The following WDR72 variants were observed in gnomAD, a reference collection of about 807,000 sequenced individuals.
The protein encoded by WDR72 is WD repeat-containing protein 72.
WDR72 carries 120 observed loss-of-function variants against 124.2 expected under a neutral mutation model. That is an observed-to-expected ratio of 0.97 (90% CI 0.83 to 1.12). WDR72 has a LOEUF of 1.12. Ranked by LOEUF, WDR72 falls within the 50% of genes most tolerant of loss-of-function variation. The pLI, the probability that WDR72 is intolerant of heterozygous loss-of-function variation, is 0.00. For missense variants in WDR72, 1,387 were observed against 1,278.8 expected (o/e 1.08, Z -1.29); for synonymous variants, 452 against 441.7 (o/e 1.02, Z -0.29).
At chr15:53,742,454 C>A (rs931576404) in intron 1 of WDR72, among the ~76,000 whole-genome samples, 1 of 152,098 alleles carries the variant, frequency 6.6e-6, no homozygotes, top group Admixed American at 6.5e-5. Context: ...TATCATAGCC[C>A]TCAATTTATA....
chr15:53,682,331 CAT>C (rs1258383492), intron 13 of WDR72, among the ~76,000 whole-genome samples: 1 of 151,570 alleles, frequency 6.6e-6, no homozygotes, highest in Admixed American at 6.6e-5. Context: ...AGGATGCACT[CAT>C]GTGTCTGTTT....
intron 13 of WDR72, among the ~76,000 whole-genome samples, chr15:53,667,333 G>C (rs2015813627): frequency 6.6e-6 from 1 of 152,064 alleles, no homozygotes; most frequent in Non-Finnish European, 1.5e-5. Flanking sequence ...CAGCCTGGGT[G>C]ACAGAACGAG....
chr15:53,597,716 C>A (rs1405394773), intron 17 of WDR72, among the ~76,000 whole-genome samples: 2 of 152,118 alleles, frequency 1.3e-5, no homozygotes, highest in Non-Finnish European at 2.9e-5. Context: ...ATGCTTTACA[C>A]AGAAAATTAA....
intron 15 of WDR72, among the ~76,000 whole-genome samples, chr15:53,614,892 G>A (rs1189932983): frequency 1.3e-5 from 2 of 151,900 alleles, no homozygotes; most frequent in African/African-American, 4.8e-5. Context: ...ATGTATAAAT[G>A]AATCACTAAA....
In WDR72 at chr15:53,699,788, C is replaced by A; in HGVS notation, c.1727G>T (p.Cys576Phe). 6.2e-7 allele frequency: 1 copy of A among 1,614,172 alleles called. No individual in the cohort carries two copies. The highest frequency in any genetic ancestry group is 1.3e-5 in the African/African-American group (1 of 75,054). ...CCAGATATAAACTGAGTCATCTGCA[C>A]ATCCAACAATTAAAAAATTCTCAAC... Reference protein sequence around the residue: ...HPVENFLIVGCADDSVYIWEI... With the variant: ...HPVENFLIVGFADDSVYIWEI... Residue 576 changes from cysteine (C) to phenylalanine (F), a missense_variant, in exon 13 of 20, where the codon TGT becomes TTT. Coordinates refer to ENST00000360509, the MANE Select transcript of WDR72 (RefSeq NM_182758.4).
At chr15:53,718,314 A>G (rs1027698485) in intron 3 of WDR72, among the ~76,000 whole-genome samples, 3 of 152,194 alleles carry the variant, frequency 2.0e-5, no homozygotes, top group Non-Finnish European at 2.9e-5. Context: ...CTTTTAAAAA[A>G]TACTGATGGC....
intron 14 of WDR72, among the ~76,000 whole-genome samples, chr15:53,638,482 GA>G (rs1385950402): frequency 1.3e-5 from 2 of 152,032 alleles, no homozygotes; most frequent in African/African-American, 4.8e-5. Flanking sequence ...CATGGTCCTG[GA>G]AGTCAGGAAA....
At chr15:53,620,619 T>A (rs1322032830) in intron 14 of WDR72, among the ~76,000 whole-genome samples, 1 of 152,020 alleles carries the variant, frequency 6.6e-6, no homozygotes, top group African/African-American at 2.4e-5. Context: ...AACTGGATCC[T>A]CATCTCTCAC....
chr15:53,667,467 C>A (rs911024226), intron 13 of WDR72, among the ~76,000 whole-genome samples: 3 of 152,018 alleles, frequency 2.0e-5, no homozygotes, highest in African/African-American at 7.2e-5. Context: ...GAAGGATACA[C>A]CTCAGGGAGA....
Position 53,544,029 on chromosome 15 carries a change from A to G in WDR72, c.3149-20707T>C, listed in dbSNP as rs1432304682. Among the ~76,000 whole-genome samples, 370 of 149,872 alleles carry G rather than the reference A, an allele frequency of 2.5e-3. 3 individuals carry two copies. The highest frequency in any genetic ancestry group is 8.6e-3 in the African/African-American group (349 of 40,728). On this transcript the variant is annotated intron_variant, in intron 18 of 19. Transcript: ENST00000360509. Reference sequence around the variant, plus strand: ...TTGTGGCAATAATCAATAGTTTACCAACCAAAAAGAGTCCAGGACCAGATG... The same window carrying G: ...TTGTGGCAATAATCAATAGTTTACCGACCAAAAAGAGTCCAGGACCAGATG...
Position 53,517,550 on chromosome 15 carries a change from T to G in WDR72, c.*149A>C. 1.3e-6 allele frequency: 1 copy of G among 779,040 alleles called. No individual in the cohort carries two copies. Among genetic ancestry groups the G allele is most frequent in the East Asian group, 2.7e-5 (1 of 37,718 alleles). 48.3% of individuals were successfully genotyped at this position (779,040 alleles called of 1,614,324 possible). ...TGTAATCAGCATGTATTAAAATCAC[T>G]TTAATACATGTTGGCTAAAGTATTA... On this transcript the variant is annotated 3_prime_UTR_variant, in exon 20 of 20. Transcript: ENST00000360509.
chr15:53,726,264 G>GTGTATATATATATATATATATATA lies in WDR72; in HGVS notation c.154-3357_154-3356insTATATATATATATATATATATACA, dbSNP rs1555428779. On this transcript the variant is annotated intron_variant, in intron 2 of 19. Transcript: ENST00000360509. ...TGTGTGTATATATATATGTATGTGT[G>GTGTATATATATATATATATATATA]TATATATATATATATATATATACAC... Among the ~76,000 whole-genome samples, 127 of 110,336 alleles carry GTGTATATATATATATATATATATA rather than the reference G, an allele frequency of 1.2e-3. 1 individual carries two copies. Among genetic ancestry groups the GTGTATATATATATATATATATATA allele is most frequent in the African/African-American group, 5.7e-3 (125 of 21,952 alleles). The allele number at this position is 110,336 out of a possible 152,430, so 72.4% of individuals were successfully genotyped here. A position where few individuals can be genotyped will look rare whatever the true frequency, so the allele number is the denominator to read the frequency against.
At position 53,612,408 on chromosome 15, in the gene WDR72, C is replaced by T. The variant is rs188853315; in HGVS notation, c.2872+1258G>A. On this transcript the variant is annotated intron_variant, in intron 16 of 19. Transcript: ENST00000360509. Reference sequence around the variant, plus strand: ...ACAACAGCGAAAGGGGTAGGGAGTGCTGCTGCAGTGATAAAGTGGCATTGG... The same window carrying T: ...ACAACAGCGAAAGGGGTAGGGAGTGTTGCTGCAGTGATAAAGTGGCATTGG... Among the ~76,000 whole-genome samples the T allele has an allele frequency of 5.3e-5, 8 of 152,084 alleles. No homozygotes were observed. The East Asian group carries it at 1.6e-3, about 30-fold the overall frequency.
At chr15:53,654,996 C>T (rs1175994742) in intron 14 of WDR72, among the ~76,000 whole-genome samples, 2 of 151,752 alleles carry the variant, frequency 1.3e-5, no homozygotes, top group South Asian at 2.1e-4. Context: ...TTTGGGAGGC[C>T]GAGGCAGGTG....
chr15:53,713,831 C>T (rs1456699452), intron 6 of WDR72, among the ~76,000 whole-genome samples: 1 of 152,142 alleles, frequency 6.6e-6, no homozygotes, highest in African/African-American at 2.4e-5. Context: ...AGTACGTTCT[C>T]AATAAGTTTG....
intron 18 of WDR72, among the ~76,000 whole-genome samples, chr15:53,593,308 C>T (rs61301076): frequency 0.12 from 18,459 of 152,014 alleles, 1,609 homozygotes; most frequent in African/African-American, 0.24. Context: ...ATTTCTTCCA[C>T]GTTGCAAGTA....
chr15:53,734,849 A>T (rs1158706093), intron 1 of WDR72, among the ~76,000 whole-genome samples: 1 of 151,614 alleles, frequency 6.6e-6, no homozygotes, highest in East Asian at 1.9e-4. Context: ...TTCCGGAATG[A>T]ATTTCTTCAC....
Position 53,615,762 on chromosome 15 carries a change from C to T in WDR72, c.2444G>A (p.Cys815Tyr), listed in dbSNP as rs369011394. 93 of 1,613,450 alleles carry T rather than the reference C, an allele frequency of 5.8e-5. No homozygotes were observed. In the African/African-American group the frequency reaches 1.0e-3, roughly 18 times the overall value. Residue 815 changes from cysteine (C) to tyrosine (Y), a missense_variant, in exon 15 of 20, where the codon TGC (cysteine) becomes TAC (tyrosine). Coordinates refer to ENST00000360509, the MANE Select transcript of WDR72 (RefSeq NM_182758.4). ...WGVDKDLDYL[C>Y]IKHLNILKLQ... ...CTTTAAAATATTGAGGTGCTTAATG[C>T]AAAGATAATCTAAATCTTTATCCAC...
At chr15:53,572,623 A>G (rs1189733547) in intron 18 of WDR72, among the ~76,000 whole-genome samples, 1 of 152,202 alleles carries the variant, frequency 6.6e-6, no homozygotes, top group Non-Finnish European at 1.5e-5. Flanking sequence ...TTTGTGGGAG[A>G]TAATGGGATC....
Sources: allele counts gnomAD v4.1 joint callset (sites outside exome capture counted in the v4.1 genomes callset), GRCh38; gene constraint gnomAD v4.1.1; transcripts MANE v1.5; gene names NCBI Gene and HGNC (gene_info 2026-07-23, HGNC 2026-07-21).